Variants in CLMP observed in about 807,000 individuals in gnomAD.
CLMP encodes the protein CXADR like cell adhesion molecule, also known as CXADR-like membrane protein.
A neutral mutation model predicts 45.2 loss-of-function variants in CLMP; 27 were observed. The ratio of observed to expected loss-of-function variants is 0.60; its 90% CI spans 0.44 to 0.82. CLMP has a LOEUF of 0.82. Among genes scored for constraint, CLMP ranks in the 40% least tolerant of loss-of-function variants. The pLI is 0.00. For missense variants in CLMP, 403 were observed against 448.4 expected (o/e 0.90, Z 0.91); for synonymous variants, 167 against 171.4 (o/e 0.97, Z 0.20).
intron 1 of CLMP, among the ~76,000 whole-genome samples, chr11:123,101,402 C>T (rs561641737): frequency 5.2e-4 from 79 of 152,344 alleles, no homozygotes; most frequent in Middle Eastern, 6.8e-3. Context: ...CCACCAAACC[C>T]GGCCTCCCTG....
chr11:123,177,998 G>T (rs866891605), intron 1 of CLMP, among the ~76,000 whole-genome samples: 2 of 152,108 alleles, frequency 1.3e-5, no homozygotes, highest in East Asian at 3.9e-4. Context: ...GAGGAGCTGG[G>T]ATTACAGGCA....
rs922554428 is a variant in CLMP, at chr11:123,124,465, T to C, written c.29-26513A>G. ...GTCACAGGTGAGTGAATTGAAATCA[T>C]TAGGTAGTTGGATGTATTTCATTCA... On this transcript the variant is annotated intron_variant, in intron 1 of 6. Transcript: ENST00000448775. Among the ~76,000 whole-genome samples, 3 of 152,206 alleles carry C rather than the reference T, an allele frequency of 2.0e-5. No homozygotes were observed. In the South Asian group the frequency reaches 6.2e-4, roughly 31 times the overall value.
intron 1 of CLMP, among the ~76,000 whole-genome samples, chr11:123,122,419 C>T (rs1299358098): frequency 1.3e-5 from 2 of 152,142 alleles, no homozygotes; most frequent in Non-Finnish European, 2.9e-5. Context: ...TTGTGTCTGT[C>T]GACTGCGATA....
chr11:123,182,182 C>T lies in CLMP; in HGVS notation c.28+12731G>A, dbSNP rs143759834. ...TTTGACCCAGGATGACACACAGCACCGATTTAAAAGACCGAACAACTGCTC... is the reference window on the plus strand; with the variant it reads ...TTTGACCCAGGATGACACACAGCACTGATTTAAAAGACCGAACAACTGCTC... On this transcript the variant is annotated intron_variant, in intron 1 of 6. Coordinates refer to ENST00000448775, the MANE Select transcript of CLMP (RefSeq NM_024769.5). 5.0e-3 allele frequency among the ~76,000 whole-genome samples: 756 copies of T among 152,278 alleles called. 9 individuals carry two copies. The highest frequency in any genetic ancestry group is 0.017 in the African/African-American group (711 of 41,558).
intron 1 of CLMP, among the ~76,000 whole-genome samples, chr11:123,162,818 C>G (rs535932847): frequency 1.3e-5 from 2 of 151,704 alleles, no homozygotes; most frequent in Non-Finnish European, 2.9e-5. Flanking sequence ...AGGAGGATCA[C>G]TTGAGCCCGG....
At chr11:123,192,197 A>C (rs753219867) in intron 1 of CLMP, among the ~76,000 whole-genome samples, 12 of 152,208 alleles carry the variant, frequency 7.9e-5, no homozygotes, top group Non-Finnish European at 1.8e-4. Context: ...TCTGGGGGTG[A>C]GTAGAGGAAG....
chr11:123,178,393 C>T (rs1414560246), intron 1 of CLMP, among the ~76,000 whole-genome samples: 1 of 152,166 alleles, frequency 6.6e-6, no homozygotes, highest in Non-Finnish European at 1.5e-5. Flanking sequence ...ATTCCCATTG[C>T]CTTCATTCCA....
chr11:123,133,528 C>T (rs545458752), intron 1 of CLMP, among the ~76,000 whole-genome samples: 9 of 152,150 alleles, frequency 5.9e-5, no homozygotes, highest in South Asian at 4.2e-4. Context: ...CTTCCACTTT[C>T]GCTTATTGTC....
chr11:123,106,972 T>C (rs184838016), intron 1 of CLMP, among the ~76,000 whole-genome samples: 2,913 of 151,040 alleles, frequency 0.019, 104 homozygotes, highest in African/African-American at 0.067. Flanking sequence ...GTGAGCCGGA[T>C]TGAGCCACTG....
At chr11:123,089,781 A>T (rs1386985898) in intron 2 of CLMP, among the ~76,000 whole-genome samples, 4 of 131,846 alleles carry the variant, frequency 3.0e-5, no homozygotes, top group Non-Finnish European at 6.3e-5. Context: ...CATCTCAAAA[A>T]AAAAAAAAAA....
intron 1 of CLMP, among the ~76,000 whole-genome samples, chr11:123,125,189 C>T (rs1409966150): frequency 2.0e-5 from 3 of 152,190 alleles, no homozygotes; most frequent in Admixed American, 2.0e-4. Context: ...AGAGCCACCA[C>T]ACCTGGCCTT....
At chr11:123,113,159 A>G (rs1164447258) in intron 1 of CLMP, among the ~76,000 whole-genome samples, 1 of 152,220 alleles carries the variant, frequency 6.6e-6, no homozygotes, top group African/African-American at 2.4e-5. Context: ...TTATGCTTCC[A>G]GTTGTGGGTA....
intron 1 of CLMP, among the ~76,000 whole-genome samples, chr11:123,111,206 C>G (rs1438338449): frequency 6.6e-6 from 1 of 152,038 alleles, no homozygotes; most frequent in Non-Finnish European, 1.5e-5. Flanking sequence ...GTGGCACGAT[C>G]TGGGCTCACT....
intron 1 of CLMP, among the ~76,000 whole-genome samples, chr11:123,163,780 G>C (rs938548158): frequency 1.3e-5 from 2 of 152,304 alleles, no homozygotes; most frequent in East Asian, 1.9e-4. Flanking sequence ...ATTAATTTGC[G>C]TGGAGGCTGA....
intron 1 of CLMP, among the ~76,000 whole-genome samples, chr11:123,167,097 C>T (rs1476409198): frequency 1.3e-5 from 2 of 152,152 alleles, no homozygotes; most frequent in African/African-American, 4.8e-5. Flanking sequence ...CAGTGCTTGG[C>T]ACATAGTAGG....
chr11:123,147,709 C>T (rs984211298), intron 1 of CLMP, among the ~76,000 whole-genome samples: 1 of 152,216 alleles, frequency 6.6e-6, no homozygotes, highest in Non-Finnish European at 1.5e-5. Flanking sequence ...ACTGCATCTT[C>T]AGCATCTTGT....
intron 1 of CLMP, among the ~76,000 whole-genome samples, chr11:123,164,661 T>C (rs913990148): frequency 6.6e-6 from 1 of 152,090 alleles, no homozygotes; most frequent in East Asian, 1.9e-4. Context: ...GCTATCTGTA[T>C]AGCACTTTAA....
intron 1 of CLMP, among the ~76,000 whole-genome samples, chr11:123,179,617 T>C (rs989285984): frequency 1.3e-5 from 2 of 152,212 alleles, no homozygotes; most frequent in African/African-American, 4.8e-5. Context: ...CAAGAACTGT[T>C]GTGCCCTGTA....
rs1201562602 is a variant in CLMP at position 123,093,553 on chromosome 11, GGGC to G, written c.186+4239_186+4241del. ...AGTCGAGAGAGGGTTTCACCATGTT[GGGC>G]AGGCTGGTTTCAAACTCTTGACCTC... On this transcript the variant is annotated intron_variant, in intron 2 of 6. Transcript: ENST00000448775. 9.4e-5 allele frequency among the ~76,000 whole-genome samples: 11 copies of G among 116,434 alleles called. No individual in the cohort carries two copies. The East Asian group carries it at 2.1e-3, about 22-fold the overall frequency. The allele number at this position is 116,434 out of a possible 152,430, so 76.4% of individuals were successfully genotyped here. A position where few individuals can be genotyped will look rare whatever the true frequency, so the allele number is the denominator to read the frequency against.
Sources: allele counts gnomAD v4.1 joint callset (sites outside exome capture counted in the v4.1 genomes callset), GRCh38; gene constraint gnomAD v4.1.1; transcripts MANE v1.5; gene names NCBI Gene and HGNC (gene_info 2026-07-23, HGNC 2026-07-21).